TTC39A: variants seen among roughly 807,000 people sequenced by gnomAD.
TTC39A encodes tetratricopeptide repeat protein 39A.
TTC39A carries 46 observed loss-of-function variants against 82.3 expected under a neutral mutation model. The ratio of observed to expected loss-of-function variants is 0.56; its 90% CI spans 0.44 to 0.71. The LOEUF (loss-of-function observed/expected upper bound fraction) is 0.71, where lower values mean the gene tolerates loss of function less well. TTC39A is among the 30% of genes least tolerant of loss of function. The pLI is 0.00. For synonymous variants in TTC39A, 254 were observed against 275.2 expected, an observed-to-expected ratio of 0.92 and a Z score of 0.76; for missense variants, 543 against 712.9, an observed-to-expected ratio of 0.76 and a Z score of 2.71.
rs1463002927 is a variant in TTC39A at position 51,288,300 on chromosome 1, C to G, written c.1611-20G>C. On this transcript the variant is annotated intron_variant, in intron 17 of 17. Coordinates refer to ENST00000680483, the MANE Select transcript of TTC39A (RefSeq NM_001297663.2). The surrounding 1 kb of genome is among the most constrained non-coding windows in gnomAD (Gnocchi z 4.8). Reference sequence around the variant, plus strand: ...TTTTGCCTGGAATTGAGCAGCGAATCAGACACATGAGGCTGCCTGCTCCCA... The same window carrying G: ...TTTTGCCTGGAATTGAGCAGCGAATGAGACACATGAGGCTGCCTGCTCCCA... 3 of 1,613,818 alleles carry G rather than the reference C, an allele frequency of 1.9e-6. No individual in the cohort carries two copies. The highest frequency in any genetic ancestry group is 2.5e-6 in the Non-Finnish European group (3 of 1,179,776).
intron 1 of TTC39A, among the ~76,000 whole-genome samples, chr1:51,337,064 G>A (rs1302254132): frequency 6.6e-6 from 1 of 152,112 alleles, no homozygotes; most frequent in Non-Finnish European, 1.5e-5. Flanking sequence ...TATCCACACA[G>A]CACCAGGCCC....
Position 51,287,943 on chromosome 1 carries a change from G to A in TTC39A, c.*214C>T, listed in dbSNP as rs935256005. 5 of 623,736 alleles carry A rather than the reference G, an allele frequency of 8.0e-6. No individual in the cohort carries two copies. In the Admixed American group the frequency reaches 1.5e-4, roughly 19 times the overall value. 38.6% of individuals were successfully genotyped at this position (623,736 alleles called of 1,614,324 possible). The stretch of plus-strand genomic sequence containing the variant: ...CCGTATGTGTGATAGGGCAGGCAGA[G>A]GGCTCCACCTGCTCTGCCCTTGGCA... On this transcript the variant is annotated 3_prime_UTR_variant, in exon 18 of 18. Transcript: ENST00000680483.
At chr1:51,334,104 A>T (rs569036040), upstream of TTC39A, among the ~76,000 whole-genome samples, 240 of 151,616 alleles carry the variant, frequency 1.6e-3, no homozygotes, top group African/African-American at 5.3e-3. Flanking sequence ...CACACCTGTA[A>T]TCCCAGCACT....
chr1:51,344,662 C>T (rs999671829), intron 1 of TTC39A, among the ~76,000 whole-genome samples: 18 of 152,338 alleles, frequency 1.2e-4, no homozygotes, highest in African/African-American at 4.3e-4. Context: ...TGAGCGCAGA[C>T]GCCGCTGCCC....
intron 6 of TTC39A, among the ~76,000 whole-genome samples, chr1:51,306,550 C>A (rs1159002117): frequency 6.6e-6 from 1 of 152,164 alleles, no homozygotes; most frequent in Non-Finnish European, 1.5e-5. Context: ...AGGGGGAAGT[C>A]ACCCCTAGCT....
At chr1:51,299,848 G>C (rs907495903) in intron 12 of TTC39A, 2 of 152,352 alleles carry the variant, frequency 1.3e-5, no homozygotes, top group Non-Finnish European at 2.9e-5. Context: ...CAGCACTTTA[G>C]GAGGCAGAGG....
chr1:51,313,001 T>G (rs752799026), intron 2 of TTC39A, 58 bp from the exon 3 acceptor site: 123 of 1,577,852 alleles, frequency 7.8e-5, no homozygotes, highest in Non-Finnish European at 1.0e-4. Context: ...AGGCAGCTGG[T>G]CCTGGGCAGC....
Position 51,294,446 on chromosome 1 carries a change from CGGAT to C in TTC39A, c.1207_1210del (p.Ile403GlyfsTer21). ...GGAGGAGAAGTAGCGCCGGGACTTC[CGGAT>C]GGCAAACTTCTCTGTGGGTAGAGAT... On this transcript the variant is annotated frameshift_variant, in exon 14 of 18. Transcript: ENST00000680483. LOFTEE classifies it high-confidence loss of function. This position sits in a 1 kb window ranked among gnomAD's most constrained non-coding sequence, Gnocchi z 4.3. The C allele has an allele frequency of 6.2e-7, 1 of 1,613,992 alleles. No individual in the cohort carries two copies. Among genetic ancestry groups the C allele is most frequent in the South Asian group, 1.1e-5 (1 of 91,076 alleles).
chr1:51,312,316 G>C (rs936620997), intron 3 of TTC39A, 121 bp from the exon 4 acceptor site: 20 of 997,482 alleles, frequency 2.0e-5, no homozygotes, highest in East Asian at 7.9e-5. Flanking sequence ...AAGAACACAG[G>C]CTTAGAGGTC....
At position 51,305,338 on chromosome 1, in the gene TTC39A, T is replaced by C. The variant is rs187004863; in HGVS notation, c.589-192A>G. The stretch of plus-strand genomic sequence containing the variant: ...TGGCAGCTAAGATATCAGGGGTCCA[T>C]GGGCAGGTGCCAGGAAGCCTAGCCA... On this transcript the variant is annotated intron_variant, in intron 7 of 17. Coordinates refer to ENST00000680483, the MANE Select transcript of TTC39A (RefSeq NM_001297663.2). Among the ~76,000 whole-genome samples the C allele has an allele frequency of 5.8e-3, 880 of 152,280 alleles. 7 individuals are homozygous for C. The highest frequency in any genetic ancestry group is 0.02 in the African/African-American group (831 of 41,552).
At chr1:51,333,680 A>T (rs560967565), upstream of TTC39A, among the ~76,000 whole-genome samples, 5 of 152,242 alleles carry the variant, frequency 3.3e-5, no homozygotes, top group African/African-American at 1.2e-4. Context: ...GACCTACCTT[A>T]ATCACCCTGA....
chr1:51,299,629 C>T (rs1185192673), intron 12 of TTC39A: 2 of 152,244 alleles, frequency 1.3e-5, no homozygotes, highest in East Asian at 1.9e-4. Context: ...GGACTGGCCA[C>T]CCCAAAGCCA....
upstream of TTC39A, chr1:51,331,267 G>T (rs1178895092): frequency 1.3e-6 from 2 of 1,548,464 alleles, no homozygotes; most frequent in Non-Finnish European, 1.7e-6. Flanking sequence ...CTGTGTGGGG[G>T]TCACCCACAA....
At chr1:51,309,436 G>GA (rs1645000075) in intron 5 of TTC39A, 111 bp from the exon 6 acceptor site, 1 of 1,576,960 alleles carries the variant, frequency 6.3e-7, no homozygotes, top group Non-Finnish European at 8.6e-7. Flanking sequence ...GAACCCTGGG[G>GA]GGATGAGGTC....
intron 4 of TTC39A, 119 bp from the exon 5 acceptor site, chr1:51,311,440 G>T (rs913257464): frequency 1.2e-6 from 1 of 836,344 alleles, no homozygotes; most frequent in Non-Finnish European, 1.9e-6. Flanking sequence ...CACCTCTCCT[G>T]TCCCCTACCT....
intron 8 of TTC39A, among the ~76,000 whole-genome samples, chr1:51,303,852 T>C (rs1284962265): frequency 6.6e-6 from 1 of 152,200 alleles, no homozygotes; most frequent in Admixed American, 6.5e-5. Flanking sequence ...CTCTGGGTCC[T>C]CCCTTCATCC....
At chr1:51,312,735 GTTAGGCCCTGGAA>G in intron 3 of TTC39A, 64 bp downstream of exon 3, 2 of 1,561,302 alleles carry the variant, frequency 1.3e-6, no homozygotes, top group Non-Finnish European at 1.7e-6. Context: ...ATAGTGGCAT[GTTAGGCCCTGGAA>G]TGGGCCAGGG....
intron 3 of TTC39A, 100 bp from the exon 4 acceptor site, chr1:51,312,295 A>C (rs1645114878): frequency 2.5e-6 from 3 of 1,191,858 alleles, no homozygotes; most frequent in Non-Finnish European, 3.5e-6. Context: ...AAAGAGACAG[A>C]GCTAGCAAGA....
intron 1 of TTC39A, chr1:51,322,203 A>T: frequency 1.3e-6 from 2 of 1,528,706 alleles, no homozygotes; most frequent in Non-Finnish European, 1.8e-6. Context: ...CCAGCCACTA[A>T]ATCCCACAGC....
Sources: gnomAD v4.1 joint callset for allele counts (sites outside exome capture counted in the v4.1 genomes callset) on GRCh38, gnomAD v4.1.1 for gene constraint, Gnocchi (gnomAD v3.1) non-coding constraint, MANE v1.5 for transcripts, NCBI Gene and HGNC (gene_info 2026-07-23, HGNC 2026-07-21) for gene names.